TBC1D4: variants seen among roughly 807,000 people sequenced by gnomAD.
TBC1D4 encodes the protein TBC (Tre-2, BUB2, CDC16) domain-containing protein.
In TBC1D4, 121 loss-of-function variants were observed where a neutral mutation model predicts 142.5. The observed-to-expected ratio is 0.85, with a 90% CI of 0.73 to 0.99. The LOEUF (loss-of-function observed/expected upper bound fraction) is 0.99. Ranked by LOEUF, TBC1D4 falls within the 50% of genes least tolerant of loss-of-function variation. The pLI is 0.00. For missense variants in TBC1D4, 1,475 were observed against 1,606.6 expected, an observed-to-expected ratio of 0.92 and a Z score of 1.40; for synonymous variants, 630 against 628.2, an observed-to-expected ratio of 1.00 and a Z score of -0.04.
At chr13:75,479,614 AGAAACCCCC>A (rs1888752549) in intron 1 of TBC1D4, among the ~76,000 whole-genome samples, 1 of 152,218 alleles carries the variant, frequency 6.6e-6, no homozygotes, top group African/African-American at 2.4e-5. Context: ...TAACTTTAAC[AGAAACCCCC>A]GAGAGTCATG....
intron 13 of TBC1D4, among the ~76,000 whole-genome samples, chr13:75,310,681 C>T (rs1165190452): frequency 1.3e-5 from 2 of 152,084 alleles, no homozygotes; most frequent in African/African-American, 4.8e-5. Context: ...GGTCCATGTG[C>T]AGGTTTGCTA....
At chr13:75,346,740 G>A (rs887356147) in intron 5 of TBC1D4, among the ~76,000 whole-genome samples, 4 of 151,970 alleles carry the variant, frequency 2.6e-5, no homozygotes, top group Admixed American at 2.6e-4. Context: ...TCCTGAAAGT[G>A]ACGGAGTGTA....
At chr13:75,430,829 A>G (rs919546420) in intron 1 of TBC1D4, among the ~76,000 whole-genome samples, 6 of 151,952 alleles carry the variant, frequency 3.9e-5, no homozygotes, top group Admixed American at 1.3e-4. Flanking sequence ...TCCTTTTCAT[A>G]TGGTCAGCGC....
At chr13:75,365,067 T>A (rs1882823895) in intron 1 of TBC1D4, among the ~76,000 whole-genome samples, 1 of 152,224 alleles carries the variant, frequency 6.6e-6, no homozygotes, top group Non-Finnish European at 1.5e-5. Context: ...ATTTCTGTAG[T>A]CTCCCAGGAT....
intron 10 of TBC1D4, among the ~76,000 whole-genome samples, chr13:75,325,000 A>G (rs1169982179): frequency 1.3e-5 from 2 of 152,212 alleles, no homozygotes; most frequent in Non-Finnish European, 1.5e-5. Flanking sequence ...TGACACAGAG[A>G]GCATCTTTTT....
intron 7 of TBC1D4, among the ~76,000 whole-genome samples, chr13:75,340,348 A>G (rs1880581263): frequency 1.3e-5 from 2 of 152,222 alleles, no homozygotes; most frequent in Admixed American, 6.5e-5. Flanking sequence ...TGCTTCTTCT[A>G]TATGCAGCAG....
chr13:75,333,600 A>G (rs71433183), intron 8 of TBC1D4, among the ~76,000 whole-genome samples: 16 of 152,232 alleles, frequency 1.1e-4, no homozygotes, highest in Non-Finnish European at 2.4e-4. Flanking sequence ...GAAATACTTT[A>G]CTGTGTATTT....
At chr13:75,468,578 A>C (rs937401509) in intron 1 of TBC1D4, among the ~76,000 whole-genome samples, 1 of 152,212 alleles carries the variant, frequency 6.6e-6, no homozygotes, top group Non-Finnish European at 1.5e-5. Context: ...TATTTTCAGA[A>C]ATTACGTAAG....
At chr13:75,450,454 T>C (rs1332767582) in intron 1 of TBC1D4, among the ~76,000 whole-genome samples, 1 of 152,210 alleles carries the variant, frequency 6.6e-6, no homozygotes, top group Non-Finnish European at 1.5e-5. Context: ...ATCACACCCA[T>C]ACGGATACAT....
chr13:75,374,840 G>A (rs551880008), intron 1 of TBC1D4, among the ~76,000 whole-genome samples: 5 of 151,982 alleles, frequency 3.3e-5, no homozygotes, highest in Admixed American at 1.3e-4. Flanking sequence ...TATAAATGAC[G>A]TATCAGCTAT....
At chr13:75,328,372 T>G (rs1879452388) in intron 8 of TBC1D4, among the ~76,000 whole-genome samples, 1 of 152,224 alleles carries the variant, frequency 6.6e-6, no homozygotes, top group Non-Finnish European at 1.5e-5. Flanking sequence ...AGACTAGATA[T>G]CAGTCTGCTT....
intron 20 of TBC1D4, 86 bp from the exon 21 acceptor site, chr13:75,287,111 A>G: frequency 1.8e-6 from 2 of 1,086,410 alleles, no homozygotes; most frequent in Non-Finnish European, 2.8e-6. Flanking sequence ...ATTACTTCAA[A>G]TTACTTAATA....
chr13:75,327,777 C>T lies in TBC1D4; in HGVS notation c.1781G>A (p.Arg594Gln), dbSNP rs1423594840. ...CTTCTCTGAAGCAAGACTGTTGGAC[C>T]GTTCAAAACTGTCCACACTTCCAAG... ...GRLGSVDSFE[R>Q]SNSLASEKDY... The change falls in exon 9 of 21, where the codon CGG (arginine) becomes CAG (glutamine). Residue 594 changes from arginine (R) to glutamine (Q), a missense_variant. Coordinates refer to ENST00000377636, the MANE Select transcript of TBC1D4 (RefSeq NM_014832.5). 5.6e-6 allele frequency: 9 copies of T among 1,613,886 alleles called. No homozygotes were observed. Among genetic ancestry groups the T allele is most frequent in the African/African-American group, 4.0e-5 (3 of 75,006 alleles).
intron 1 of TBC1D4, among the ~76,000 whole-genome samples, chr13:75,398,300 T>C (rs1884904960): frequency 1.3e-5 from 2 of 152,036 alleles, no homozygotes; most frequent in Admixed American, 1.3e-4. Context: ...AATCTAGAAG[T>C]GGGTGCTGGC....
rs1420885068 is a variant in TBC1D4, at chr13:75,285,199, A to C, written c.*1593T>G. On this transcript the variant is annotated 3_prime_UTR_variant, in exon 21 of 21. Transcript: ENST00000377636. ...TTCAAGGGCACACTGAGCTATAACA[A>C]GTCATTATATACACACTGGGTAACA... The C allele has an allele frequency of 6.6e-6, 1 of 152,200 alleles. No individual in the cohort carries two copies. Among genetic ancestry groups the C allele is most frequent in the Admixed American group, 6.5e-5 (1 of 15,282 alleles). 9.4% of individuals were successfully genotyped at this position (152,200 alleles called of 1,614,324 possible).
At chr13:75,434,414 A>G (rs1051149549) in intron 1 of TBC1D4, among the ~76,000 whole-genome samples, 10 of 152,172 alleles carry the variant, frequency 6.6e-5, no homozygotes, top group African/African-American at 2.4e-4. Flanking sequence ...GGAACAGAAA[A>G]CCAAATACCA....
intron 1 of TBC1D4, among the ~76,000 whole-genome samples, chr13:75,474,957 T>G (rs1413892589): frequency 2.0e-5 from 3 of 152,158 alleles, no homozygotes; most frequent in African/African-American, 7.2e-5. Context: ...CCTTTCTATA[T>G]CTCAGTTTTC....
intron 12 of TBC1D4, chr13:75,316,353 T>A (rs953411200): frequency 5.3e-5 from 8 of 152,286 alleles, no homozygotes; most frequent in African/African-American, 1.9e-4. Flanking sequence ...TTAAATCCTA[T>A]AATATAAACT....
At chr13:75,458,716 T>C (rs1231140398) in intron 1 of TBC1D4, among the ~76,000 whole-genome samples, 1 of 151,824 alleles carries the variant, frequency 6.6e-6, no homozygotes, top group East Asian at 2.0e-4. Flanking sequence ...TCTACAAGTA[T>C]AATTTTTTAA....
Sources: gnomAD v4.1 joint callset for allele counts (sites outside exome capture counted in the v4.1 genomes callset) on GRCh38, gnomAD v4.1.1 for gene constraint, MANE v1.5 for transcripts, NCBI Gene and HGNC (gene_info 2026-07-23, HGNC 2026-07-21) for gene names.